The following SH3BP4 variants were observed in gnomAD, a reference collection of about 807,000 sequenced individuals.
SH3BP4 encodes SH3 domain binding protein 4.
In SH3BP4, 33 loss-of-function variants were observed where a neutral mutation model predicts 65.5. The ratio of observed to expected loss-of-function variants is 0.50; its 90% confidence interval spans 0.38 to 0.67. The LOEUF is 0.67. Among genes scored for constraint, SH3BP4 ranks in the 30% least tolerant of loss-of-function variants. The pLI is 0.00. For synonymous variants in SH3BP4, 552 were observed against 545.5 expected (o/e 1.01, Z -0.17); for missense variants, 1,134 against 1,261.4 (o/e 0.90, Z 1.53).
At chr2:234,971,228 C>T (rs4663527) in intron 1 of SH3BP4, among the ~76,000 whole-genome samples, 25,098 of 152,160 alleles carry the variant, frequency 0.16, 3,805 homozygotes, top group East Asian at 0.71. Context: ...ACTACAGGTA[C>T]CTCACGTAGG....
intron 2 of SH3BP4, among the ~76,000 whole-genome samples, chr2:235,000,844 G>A (rs1694075307): frequency 6.6e-6 from 1 of 152,264 alleles, no homozygotes. Flanking sequence ...CAGCCTCTGT[G>A]TGGGTTCTGC....
At chr2:235,037,766 ATG>A (rs1236621600) in intron 3 of SH3BP4, among the ~76,000 whole-genome samples, 1 of 152,204 alleles carries the variant, frequency 6.6e-6, no homozygotes, top group Non-Finnish European at 1.5e-5. Flanking sequence ...CAAAACAGAA[ATG>A]AGAGAGAAGA....
Position 234,959,653 on chromosome 2 carries a change from CT to C in SH3BP4, c.-207+7501del, listed in dbSNP as rs148083180. Reference sequence around the variant, plus strand: ...TGTTGCCCTTTGTAAGAGGATTTGACTTTTTTTTTTTTTTTTTTGAGACGGA... The same window carrying C: ...TGTTGCCCTTTGTAAGAGGATTTGACTTTTTTTTTTTTTTTTTGAGACGGA... On this transcript the variant is annotated intron_variant, in intron 1 of 5. Coordinates refer to ENST00000392011, the MANE Select transcript of SH3BP4 (RefSeq NM_014521.3). Among the ~76,000 whole-genome samples, 1,010 of 123,636 alleles carry C rather than the reference CT, an allele frequency of 8.2e-3. 10 individuals carry two copies. Among genetic ancestry groups the C allele is most frequent in the African/African-American group, 0.022 (734 of 33,324 alleles). The allele number at this position is 123,636 out of a possible 152,430, so 81.1% of individuals were successfully genotyped here. A position where few individuals can be genotyped will look rare whatever the true frequency, so the allele number is the denominator to read the frequency against.
In SH3BP4 at chr2:235,034,966, A is replaced by C. The variant is rs749162915; in HGVS notation, c.-37A>C. The C allele has an allele frequency of 6.4e-7, 1 of 1,554,368 alleles. No individual in the cohort carries two copies. Among genetic ancestry groups the C allele is most frequent in the South Asian group, 1.1e-5 (1 of 89,876 alleles). ...TGGGATAACTGGAGGAAGAAATATG[A>C]AGCCTTAGCGGCTTTACCCGGGAAG... On this transcript the variant is annotated 5_prime_UTR_variant, in exon 3 of 6. Coordinates refer to ENST00000392011, the MANE Select transcript of SH3BP4 (RefSeq NM_014521.3). The surrounding 1 kb of genome is among the most constrained non-coding windows in gnomAD (Gnocchi z 6.2).
At position 234,976,546 on chromosome 2, in the gene SH3BP4, C is replaced by T. The variant is rs1037811051; in HGVS notation, c.-206-18757C>T. Among the ~76,000 whole-genome samples the T allele has an allele frequency of 3.9e-5, 6 of 151,936 alleles. No individual in the cohort carries two copies. Among genetic ancestry groups the T allele is most frequent in the African/African-American group, 7.2e-5 (3 of 41,422 alleles). Reference sequence around the variant, plus strand: ...CTTGTTTCATGATAAATACAGAAGCCGATGTTTACCCGCCTCTGGTAGCGG... The same window carrying T: ...CTTGTTTCATGATAAATACAGAAGCTGATGTTTACCCGCCTCTGGTAGCGG... On this transcript the variant is annotated intron_variant, in intron 1 of 5. Transcript: ENST00000392011. The surrounding 1 kb of genome is among the most constrained non-coding windows in gnomAD (Gnocchi z 4.7).
At position 235,034,911 on chromosome 2, in the gene SH3BP4, T is replaced by G. The variant is rs1574837821; in HGVS notation, c.-92T>G. Reference sequence around the variant, plus strand: ...CGAGTGGATGCCGCCGCGCAGCGTGTTTGCTTGAGGCAGAAGCTTCAGCAT... The same window carrying G: ...CGAGTGGATGCCGCCGCGCAGCGTGGTTGCTTGAGGCAGAAGCTTCAGCAT... On this transcript the variant is annotated 5_prime_UTR_variant, in exon 3 of 6. Coordinates refer to ENST00000392011, the MANE Select transcript of SH3BP4 (RefSeq NM_014521.3). The surrounding 1 kb of genome is among the most constrained non-coding windows in gnomAD (Gnocchi z 6.2). 1 of 1,093,224 alleles carries G rather than the reference T, an allele frequency of 9.1e-7. No individual in the cohort carries two copies. The highest frequency in any genetic ancestry group is 1.4e-6 in the Non-Finnish European group (1 of 726,318). 67.7% of individuals were successfully genotyped at this position (1,093,224 alleles called of 1,614,324 possible).
rs1482262015 is a variant in SH3BP4 at position 235,030,490 on chromosome 2, G to A, written c.-132-4381G>A. On this transcript the variant is annotated intron_variant, in intron 2 of 5. Transcript: ENST00000392011. This position sits in a 1 kb window ranked among gnomAD's most constrained non-coding sequence, Gnocchi z 4.1. ...TGGAGCTATGAGCGCAGCCTGTGCT[G>A]TAAGGGGAGGACACATAACCGTCAG... Among the ~76,000 whole-genome samples the A allele has an allele frequency of 6.6e-6, 1 of 152,198 alleles. No individual in the cohort carries two copies. The highest frequency in any genetic ancestry group is 2.4e-5 in the African/African-American group (1 of 41,448).
intron 1 of SH3BP4, among the ~76,000 whole-genome samples, chr2:234,969,327 C>T (rs1233823416): frequency 6.6e-6 from 1 of 152,154 alleles, no homozygotes; most frequent in Non-Finnish European, 1.5e-5. Context: ...GTCTATGCTC[C>T]TTCCTCATGG....
At chr2:234,961,105 A>G (rs1692697969) in intron 1 of SH3BP4, among the ~76,000 whole-genome samples, 1 of 152,034 alleles carries the variant, frequency 6.6e-6, no homozygotes, top group Non-Finnish European at 1.5e-5. Flanking sequence ...TCCTGTTATG[A>G]CCTCGGTCAC....
intron 3 of SH3BP4, among the ~76,000 whole-genome samples, chr2:235,039,799 T>G (rs1486396916): frequency 6.6e-6 from 1 of 152,238 alleles, no homozygotes; most frequent in Non-Finnish European, 1.5e-5. Flanking sequence ...TGAATTAACT[T>G]GATTCACTTT....
intron 1 of SH3BP4, among the ~76,000 whole-genome samples, chr2:234,969,093 A>AGCCCAGGGCTACTTC (rs1235599337): frequency 6.6e-6 from 1 of 152,250 alleles, no homozygotes; most frequent in African/African-American, 2.4e-5. Context: ...AGCTAGTCTC[A>AGCCCAGGGCTACTTC]GCCCAGGGCT....
At chr2:235,011,453 G>A (rs1694502413) in intron 2 of SH3BP4, among the ~76,000 whole-genome samples, 2 of 152,196 alleles carry the variant, frequency 1.3e-5, no homozygotes, top group South Asian at 4.1e-4. Flanking sequence ...CATCTGCAAA[G>A]ACTGTATTTC....
rs1411406068 is a variant in SH3BP4 at position 235,052,264 on chromosome 2, C to CCTCAT, written c.2479-295_2479-291dup. Among the ~76,000 whole-genome samples, 2 of 151,948 alleles carry CCTCAT rather than the reference C, an allele frequency of 1.3e-5. No homozygotes were observed. The highest frequency in any genetic ancestry group is 1.5e-5 in the Non-Finnish European group (1 of 67,910). ...GGTGACTTCCTCTAATCCAGAGGGA[C>CCTCAT]CTCATCTTAATTCTATCTGCAAAGA... On this transcript the variant is annotated intron_variant, in intron 4 of 5. Coordinates refer to ENST00000392011, the MANE Select transcript of SH3BP4 (RefSeq NM_014521.3). This position sits in a 1 kb window ranked among gnomAD's most constrained non-coding sequence, Gnocchi z 5.0.
rs575817724 is a variant in SH3BP4 at position 235,006,459 on chromosome 2, C to T, written c.-133+11083C>T. ...GATTTTTAGCTGTGATATAAAAGCA[C>T]TCCCGGAAAGAAGCCAGCGGATGAA... On this transcript the variant is annotated intron_variant, in intron 2 of 5. Transcript: ENST00000392011. 2.6e-5 allele frequency among the ~76,000 whole-genome samples: 4 copies of T among 152,214 alleles called. No homozygotes were observed. The East Asian group carries it at 7.8e-4, about 29-fold the overall frequency.
intron 1 of SH3BP4, among the ~76,000 whole-genome samples, chr2:234,959,135 C>T (rs972506371): frequency 6.6e-6 from 1 of 152,090 alleles, no homozygotes; most frequent in Non-Finnish European, 1.5e-5. Context: ...GGCTGGGGGG[C>T]CCATTTGTCC....
At position 235,026,691 on chromosome 2, in the gene SH3BP4, C is replaced by T. The variant is rs1695011513; in HGVS notation, c.-132-8180C>T. ...AGGATATGCCCACCTTTCTCAAACT[C>T]AGACTGGAACGTGTGGTCCTGCCCT... On this transcript the variant is annotated intron_variant, in intron 2 of 5. Transcript: ENST00000392011. The surrounding 1 kb of genome is among the most constrained non-coding windows in gnomAD (Gnocchi z 4.6). 6.6e-6 allele frequency among the ~76,000 whole-genome samples: 1 copy of T among 152,196 alleles called. No individual in the cohort carries two copies. The highest frequency in any genetic ancestry group is 6.5e-5 in the Admixed American group (1 of 15,276).
intron 1 of SH3BP4, among the ~76,000 whole-genome samples, chr2:234,983,603 G>A (rs959671651): frequency 3.9e-5 from 6 of 152,122 alleles, no homozygotes; most frequent in Non-Finnish European, 8.8e-5. Flanking sequence ...TTGGCAAAAG[G>A]GACTTTGCAG....
chr2:235,018,697 C>T, intron 2 of SH3BP4, among the ~76,000 whole-genome samples: 1 of 152,170 alleles, frequency 6.6e-6, no homozygotes, highest in East Asian at 1.9e-4. Context: ...GTGTGCAATG[C>T]TGCCTTTGGG....
chr2:235,008,587 G>A (rs1378604563), intron 2 of SH3BP4: 1 of 152,180 alleles, frequency 6.6e-6, no homozygotes, highest in Non-Finnish European at 1.5e-5. Flanking sequence ...GCTTCTCCAA[G>A]CTCCCCTTGG....
Sources: allele counts gnomAD v4.1 joint callset (sites outside exome capture counted in the v4.1 genomes callset), GRCh38; gene constraint gnomAD v4.1.1; non-coding constraint Gnocchi (gnomAD v3.1); transcripts MANE v1.5; gene names NCBI Gene and HGNC (gene_info 2026-07-23, HGNC 2026-07-21).